SLC66A1: variants seen among roughly 807,000 people sequenced by gnomAD.
SLC66A1 encodes lysosomal amino acid transporter 1 homolog.
Under a neutral mutation model 33.0 loss-of-function variants are expected in SLC66A1, and 23 were observed. That is an observed-to-expected ratio of 0.70 (90% CI 0.50 to 0.99). The LOEUF (loss-of-function observed/expected upper bound fraction) is 0.99, where lower values mean the gene tolerates loss of function less well. Ranked by LOEUF, SLC66A1 falls within the 50% of genes least tolerant of loss-of-function variation. The probability of loss-of-function intolerance (pLI) is 0.00; values close to 1 mark genes in which losing one functional copy is unlikely to be tolerated. For missense variants in SLC66A1, 335 were observed against 383.6 expected, an observed-to-expected ratio of 0.87 and a Z score of 1.06; for synonymous variants, 164 against 175.5, an observed-to-expected ratio of 0.93 and a Z score of 0.52.
chr1:19,330,215 T>C (rs2093888716), downstream of SLC66A1, among the ~76,000 whole-genome samples: 1 of 152,030 alleles, frequency 6.6e-6, no homozygotes, highest in African/African-American at 2.4e-5. Context: ...CCCACCTTGT[T>C]GGCCTGATCT....
intron 7 of SLC66A1, chr1:19,327,788 A>C: frequency 2.6e-6 from 1 of 386,536 alleles, no homozygotes; most frequent in Non-Finnish European, 5.3e-6. Flanking sequence ...AGGGGCAGCA[A>C]AGGCCCCTAT....
chr1:19,317,545 A>G, intron 1 of SLC66A1, 55 bp from the exon 2 acceptor site: 2 of 1,473,646 alleles, frequency 1.4e-6, no homozygotes, highest in Non-Finnish European at 1.8e-6. Flanking sequence ...TGGGATGACC[A>G]TGAATAGGAC....
chr1:19,327,097 C>A, intron 6 of SLC66A1, 130 bp from the exon 7 acceptor site: 1 of 976,488 alleles, frequency 1.0e-6, no homozygotes, highest in Non-Finnish European at 1.5e-6. Flanking sequence ...GCCCATATCC[C>A]TGGGCACCCA....
chr1:19,318,191 C>G (rs1163323895), intron 2 of SLC66A1, among the ~76,000 whole-genome samples: 1 of 152,162 alleles, frequency 6.6e-6, no homozygotes, highest in East Asian at 1.9e-4. Context: ...GGATCCAAAA[C>G]CCAGAGAAGT....
At chr1:19,320,687 T>C (rs540817788) in intron 2 of SLC66A1, among the ~76,000 whole-genome samples, 6 of 151,420 alleles carry the variant, frequency 4.0e-5, no homozygotes, top group Admixed American at 2.6e-4. Flanking sequence ...AGTGCTGGGA[T>C]TACAGGCGTG....
intron 1 of SLC66A1, among the ~76,000 whole-genome samples, chr1:19,316,533 A>G (rs2093806895): frequency 6.6e-6 from 1 of 150,684 alleles, no homozygotes; most frequent in African/African-American, 2.5e-5. Context: ...TGGGACTACA[A>G]GCGTGTGCCA....
At chr1:19,326,715 G>C in intron 6 of SLC66A1, 92 bp downstream of exon 6, 1 of 1,335,052 alleles carries the variant, frequency 7.5e-7, no homozygotes, top group Non-Finnish European at 1.1e-6. Context: ...CACAGCATAG[G>C]AGCCTTGGTT....
intron 2 of SLC66A1, among the ~76,000 whole-genome samples, chr1:19,319,256 G>A (rs1210835932): frequency 6.6e-6 from 1 of 152,174 alleles, no homozygotes; most frequent in African/African-American, 2.4e-5. Context: ...AGCCCAAATG[G>A]AAACCCATGC....
At chr1:19,315,943 T>C (rs859215) in intron 1 of SLC66A1, among the ~76,000 whole-genome samples, 3,289 of 152,230 alleles carry the variant, frequency 0.022, 129 homozygotes, top group African/African-American at 0.075. Flanking sequence ...CCCCACTTCA[T>C]AGTTGCTGGG....
At chr1:19,331,466 C>G (rs1421752142), downstream of SLC66A1, among the ~76,000 whole-genome samples, 1 of 152,190 alleles carries the variant, frequency 6.6e-6, no homozygotes, top group African/African-American at 2.4e-5. Flanking sequence ...TCCCCTTCCT[C>G]CATCCTTGCT....
intron 2 of SLC66A1, among the ~76,000 whole-genome samples, chr1:19,319,616 T>G (rs868736429): frequency 2.2e-5 from 3 of 138,614 alleles, no homozygotes; most frequent in Admixed American, 6.9e-5. Flanking sequence ...TTTTTTTTTT[T>G]TTTTTGCCTG....
intron 7 of SLC66A1, 97 bp downstream of exon 7, chr1:19,327,509 A>ATCCG (rs2093874641): frequency 8.4e-6 from 10 of 1,195,620 alleles, no homozygotes; most frequent in East Asian, 3.0e-5. Flanking sequence ...TCCTCCCTTC[A>ATCCG]TCCATCCGTC....
At chr1:19,319,605 G>GGTTTTTTTTTTTTTTTT (rs2093823237) in intron 2 of SLC66A1, among the ~76,000 whole-genome samples, 3 of 111,868 alleles carry the variant, frequency 2.7e-5, no homozygotes, top group African/African-American at 1.2e-4. Context: ...GCACATTCAT[G>GGTTTTTTTTTTTTTTTT]TTTTTTTTTT....
At chr1:19,324,794 C>CCCT in intron 3 of SLC66A1, 32 bp downstream of exon 3, 1 of 1,611,944 alleles carries the variant, frequency 6.2e-7, no homozygotes, top group Non-Finnish European at 8.5e-7. Context: ...GTGGCGCTAC[C>CCCT]CCTAACCCTG....
At chr1:19,331,467 C>A (rs2093892381), downstream of SLC66A1, among the ~76,000 whole-genome samples, 1 of 152,164 alleles carries the variant, frequency 6.6e-6, no homozygotes, top group Non-Finnish European at 1.5e-5. Flanking sequence ...CCCCTTCCTC[C>A]ATCCTTGCTG....
At chr1:19,319,689 G>C (rs750351144) in intron 2 of SLC66A1, among the ~76,000 whole-genome samples, 1 of 148,008 alleles carries the variant, frequency 6.8e-6, no homozygotes, top group Non-Finnish European at 1.5e-5. Context: ...GATCGCCTGA[G>C]GGCAGGAGTT....
chr1:19,316,375 G>A (rs2093805946), intron 1 of SLC66A1, among the ~76,000 whole-genome samples: 1 of 151,788 alleles, frequency 6.6e-6, no homozygotes, highest in African/African-American at 2.4e-5. Flanking sequence ...GTGTGTGTGT[G>A]TGTGTGTGTG....
chr1:19,325,969 G>A (rs2093863780), intron 4 of SLC66A1, among the ~76,000 whole-genome samples: 1 of 152,216 alleles, frequency 6.6e-6, no homozygotes, highest in East Asian at 1.9e-4. Flanking sequence ...TACAGACACG[G>A]GGAGGGACCT....
downstream of SLC66A1, among the ~76,000 whole-genome samples, chr1:19,333,144 C>T (rs1011798182): frequency 3.3e-5 from 5 of 152,168 alleles, no homozygotes; most frequent in Admixed American, 1.3e-4. This position sits in a 1 kb window ranked among gnomAD's most constrained non-coding sequence, Gnocchi z 4.2. Context: ...AGCCCTGTGC[C>T]GAGCACTGGA....
Sources: allele counts gnomAD v4.1 joint callset (sites outside exome capture counted in the v4.1 genomes callset), GRCh38; gene constraint gnomAD v4.1.1; non-coding constraint Gnocchi (gnomAD v3.1); transcripts MANE v1.5; gene names NCBI Gene and HGNC (gene_info 2026-07-23, HGNC 2026-07-21).